Variants in SYCP1 observed in about 807,000 individuals in gnomAD.
The protein encoded by SYCP1 is cancer/testis antigen 8.
A neutral mutation model predicts 153.1 loss-of-function variants in SYCP1; 64 were observed. That is an observed-to-expected ratio of 0.42 (90% CI 0.34 to 0.51). The LOEUF is 0.51. Among genes scored for constraint, SYCP1 ranks in the 20% least tolerant of loss-of-function variants. The pLI, the probability that SYCP1 is intolerant of heterozygous loss-of-function variation, is 0.06. For synonymous variants in SYCP1, 384 were observed against 341.8 expected, an observed-to-expected ratio of 1.12 and a Z score of -1.36; for missense variants, 997 against 1,049.0, an observed-to-expected ratio of 0.95 and a Z score of 0.68.
At chr1:114,964,361 G>C (rs1671972516) in intron 27 of SYCP1, among the ~76,000 whole-genome samples, 1 of 152,158 alleles carries the variant, frequency 6.6e-6, no homozygotes. Flanking sequence ...TGGCTGTGCA[G>C]AAGCTCTTTC....
intron 15 of SYCP1, among the ~76,000 whole-genome samples, chr1:114,894,467 T>C (rs975484932): frequency 1.4e-4 from 22 of 152,268 alleles, no homozygotes; most frequent in Admixed American, 1.1e-3. Flanking sequence ...TAATTTTTTG[T>C]GGGCAGGTTA....
intron 27 of SYCP1, among the ~76,000 whole-genome samples, chr1:114,958,446 TTC>T (rs989646638): frequency 2.0e-5 from 3 of 152,134 alleles, no homozygotes; most frequent in African/African-American, 7.2e-5. Flanking sequence ...AATTGGAATA[TTC>T]CCAACACAAA....
upstream of SYCP1, among the ~76,000 whole-genome samples, chr1:114,854,145 CCT>C (rs967305101): frequency 9.3e-5 from 14 of 150,616 alleles, no homozygotes; most frequent in Admixed American, 4.6e-4. Flanking sequence ...TCCTCTGTCT[CCT>C]CTCTCTCTCT....
intron 16 of SYCP1, among the ~76,000 whole-genome samples, chr1:114,903,111 C>T (rs977572581): frequency 3.3e-5 from 5 of 152,110 alleles, no homozygotes; most frequent in East Asian, 3.9e-4. Flanking sequence ...GCCCGGGAGG[C>T]GGAGGTTGCA....
chr1:114,981,449 C>A lies in SYCP1; in HGVS notation c.2496C>A (p.Ser832=). Residue 832 remains serine, a synonymous_variant, in exon 29 of 32, where the codon TCC becomes TCA. Transcript: ENST00000369522. ...TCACATCAGTTGATCATGGCATATC[C>A]AAAGATAAAAGAGACTATCTGTGGA... is the stretch of plus-strand genomic sequence containing the variant. The part of the protein sequence containing the change: ...RNFTSVDHGI[S]KDKRDYLWTS... 1 of 1,609,476 alleles carries A rather than the reference C, an allele frequency of 6.2e-7. No individual in the cohort carries two copies. Among genetic ancestry groups the A allele is most frequent in the Non-Finnish European group, 8.5e-7 (1 of 1,178,222 alleles).
chr1:114,876,647 A>C (rs1371736570), intron 10 of SYCP1, 90 bp from the exon 11 acceptor site: 2 of 594,164 alleles, frequency 3.4e-6, no homozygotes. Flanking sequence ...AGATAAATAA[A>C]GAGGTGAAAT....
rs1218665814 is a variant in SYCP1 at position 114,923,545 on chromosome 1, A to G, written c.1800+15A>G. 1.3e-6 allele frequency: 2 copies of G among 1,556,832 alleles called. No homozygotes were observed. The highest frequency in any genetic ancestry group is 1.4e-5 in the African/African-American group (1 of 72,552). On this transcript the variant is annotated intron_variant, in intron 21 of 31. Coordinates refer to ENST00000369522, the MANE Select transcript of SYCP1 (RefSeq NM_003176.4). ...GTGAAGAAAATGTATGTTATATTTA[A>G]TAATGGATCGTATCACAAAATTTCA...
chr1:114,980,209 G>A (rs919544369), intron 28 of SYCP1, among the ~76,000 whole-genome samples: 1 of 151,848 alleles, frequency 6.6e-6, no homozygotes, highest in African/African-American at 2.4e-5. Context: ...ATTTCCTTAT[G>A]AATAATTGCC....
At chr1:114,934,589 A>T (rs565036509) in intron 23 of SYCP1, among the ~76,000 whole-genome samples, 1 of 152,156 alleles carries the variant, frequency 6.6e-6, no homozygotes, top group Non-Finnish European at 1.5e-5. Flanking sequence ...TGGGCTAAAT[A>T]CTCCAATTAA....
chr1:114,959,466 T>G (rs1458312947), intron 27 of SYCP1, among the ~76,000 whole-genome samples: 3 of 152,134 alleles, frequency 2.0e-5, no homozygotes, highest in African/African-American at 7.2e-5. Context: ...ACATTGTAGG[T>G]GTGTATATTT....
At chr1:114,906,262 C>T (rs762964619) in intron 16 of SYCP1, among the ~76,000 whole-genome samples, 38 of 152,054 alleles carry the variant, frequency 2.5e-4, no homozygotes, top group Non-Finnish European at 4.6e-4. Context: ...CCACCGTGAC[C>T]GGCCCCTTTT....
chr1:114,886,213 A>G lies in SYCP1; in HGVS notation c.1094A>G (p.Glu365Gly). The stretch of plus-strand genomic sequence containing the variant: ...GAAGAAAAAGAAACTCAAATGGAAG[A>G]ATCTAATAAAGCTAGAGCTGCTCAT... The part of the protein sequence containing the change: ...LTEEKETQME[E>G]SNKARAAHSF... The change falls in exon 14 of 32, where the codon GAA (glutamate) becomes GGA (glycine). Residue 365 changes from glutamate to glycine, a missense_variant. Glu to Gly is a moderately conservative substitution (Grantham distance 98). This residue lies in a region of SYCP1 where 712 missense variants were observed against 682.9 expected (regional missense o/e 1.04). Coordinates refer to ENST00000369522, the MANE Select transcript of SYCP1 (RefSeq NM_003176.4). 6.2e-7 allele frequency: 1 copy of G among 1,612,310 alleles called. No individual in the cohort carries two copies. The highest frequency in any genetic ancestry group is 8.5e-7 in the Non-Finnish European group (1 of 1,179,286).
At chr1:114,970,631 C>T (rs938154148) in intron 27 of SYCP1, among the ~76,000 whole-genome samples, 2 of 152,126 alleles carry the variant, frequency 1.3e-5, no homozygotes, top group African/African-American at 4.8e-5. Context: ...TCCCTCTTCC[C>T]CTAGGGATGG....
intron 30 of SYCP1, among the ~76,000 whole-genome samples, chr1:114,986,295 CATG>C (rs1278038760): frequency 6.6e-6 from 1 of 151,940 alleles, no homozygotes; most frequent in Non-Finnish European, 1.5e-5. Flanking sequence ...AGTCATTGCA[CATG>C]ATAACTGCCA....
At chr1:114,886,019 T>C in intron 13 of SYCP1, 106 bp from the exon 14 acceptor site, 1 of 675,684 alleles carries the variant, frequency 1.5e-6, no homozygotes, top group Non-Finnish European at 2.3e-6. Flanking sequence ...AATAGGAAAA[T>C]ATGAGGGTGG....
chr1:114,927,766 T>C (rs372021504), intron 23 of SYCP1, among the ~76,000 whole-genome samples: 2 of 152,056 alleles, frequency 1.3e-5, no homozygotes, highest in African/African-American at 2.4e-5. Context: ...ATAACAAGTA[T>C]TTTTAAGTGT....
intron 27 of SYCP1, among the ~76,000 whole-genome samples, chr1:114,959,094 C>T (rs1466796345): frequency 6.6e-6 from 1 of 151,756 alleles, no homozygotes; most frequent in African/African-American, 2.4e-5. Context: ...TATCTAGATG[C>T]CCTTTATCAA....
intron 20 of SYCP1, among the ~76,000 whole-genome samples, chr1:114,916,221 C>CCAGT (rs1557797501): frequency 1.3e-5 from 2 of 152,088 alleles, no homozygotes; most frequent in African/African-American, 4.8e-5. Flanking sequence ...TGCCCATCTA[C>CCAGT]CAGTCATTCA....
At chr1:114,889,226 T>C (rs925038675) in intron 15 of SYCP1, among the ~76,000 whole-genome samples, 1 of 150,722 alleles carries the variant, frequency 6.6e-6, no homozygotes. Flanking sequence ...TACCCAGTAA[T>C]GGGATTGCTG....
Sources: allele counts gnomAD v4.1 joint callset (sites outside exome capture counted in the v4.1 genomes callset), GRCh38; gene constraint gnomAD v4.1.1; regional missense constraint gnomAD v4.1.1; transcripts MANE v1.5; gene names NCBI Gene and HGNC (gene_info 2026-07-23, HGNC 2026-07-21).